The following TNS1 variants were observed in gnomAD, a reference collection of about 807,000 sequenced individuals.
TNS1 encodes the protein tensin-1.
A neutral mutation model predicts 168.6 loss-of-function variants in TNS1; 62 were observed. The ratio of observed to expected loss-of-function variants is 0.37; its 90% confidence interval spans 0.30 to 0.45. The LOEUF is 0.45. Among genes scored for constraint, TNS1 ranks in the 20% least tolerant of loss-of-function variants. The pLI, the probability that TNS1 is intolerant of heterozygous loss-of-function variation, is 1.00. For synonymous variants in TNS1, 934 were observed against 933.2 expected (o/e 1.00, Z -0.02); for missense variants, 2,240 against 2,339.4 (o/e 0.96, Z 0.88).
At chr2:217,886,183 AAGAG>A (rs1224332250) in intron 13 of TNS1, 79 bp from the exon 14 acceptor site, 13 of 1,471,494 alleles carry the variant, frequency 8.8e-6, no homozygotes, top group Non-Finnish European at 1.2e-5. Context: ...TGAAGGGAGA[AAGAG>A]AGAAAGGAAG....
At chr2:217,859,653 C>T (rs1948595935) in intron 18 of TNS1, 2 of 1,536,310 alleles carry the variant, frequency 1.3e-6, no homozygotes, top group Non-Finnish European at 1.7e-6. Context: ...CTCCAGGCCA[C>T]CTGAGATGCT....
chr2:217,945,287 C>T (rs943868991), intron 3 of TNS1, among the ~76,000 whole-genome samples: 8 of 152,242 alleles, frequency 5.3e-5, no homozygotes, highest in African/African-American at 1.9e-4. Flanking sequence ...TTCAGCCAAA[C>T]CCTTCCCCAG....
In TNS1 at chr2:217,831,545, G is replaced by A. The variant is rs542492773; in HGVS notation, c.3283C>T (p.Arg1095Trp). 799 of 1,512,792 alleles carry A rather than the reference G, an allele frequency of 5.3e-4. 11 individuals are homozygous for A. The South Asian group carries it at 9.6e-3, about 18-fold the overall frequency. 93.7% of individuals were successfully genotyped at this position (1,512,792 alleles called of 1,614,324 possible). ...SPSSPPPSGV[R>W]SPPGLAKTPL... ...GTCTTGGCCAGACCCGGGGGGGACC[G>A]CACTGTGCCAGGAAGAAGAGGGGAG... The change falls in exon 22 of 33, where the codon CGG becomes TGG. Residue 1095 changes from arginine to tryptophan, a missense_variant and splice_region_variant. This residue lies in a region of TNS1 where 2,131 missense variants were observed against 2,171.2 expected (regional missense o/e 0.98). Coordinates refer to ENST00000682258, the MANE Select transcript of TNS1 (RefSeq NM_001387777.1).
At chr2:217,954,158 A>G (rs777444831) in intron 3 of TNS1, among the ~76,000 whole-genome samples, 7 of 152,148 alleles carry the variant, frequency 4.6e-5, no homozygotes, top group African/African-American at 7.2e-5. Context: ...TTCTAAGCAG[A>G]GCGAGGCAGT....
At position 217,847,826 on chromosome 2, in the gene TNS1, C is replaced by G. The variant is rs370904189; in HGVS notation, c.2691G>C (p.Ser897=). ...GTGGGGCTGGCTCAGGGGTTCCCAA[C>G]GAATGCCCACTGGGGATATAGCCAG... ...SRSGYIPSGH[S]LGTPEPAPRA... Residue 897 remains serine, a synonymous_variant, in exon 19 of 33, where the codon TCG becomes TCC. Transcript: ENST00000682258. 5 of 1,595,328 alleles carry G rather than the reference C, an allele frequency of 3.1e-6. No homozygotes were observed. The African/African-American group carries it at 6.7e-5, about 21-fold the overall frequency.
chr2:217,804,457 G>T lies in TNS1; in HGVS notation c.*2C>A. 6.8e-6 allele frequency: 11 copies of T among 1,614,100 alleles called. No homozygotes were observed. Among genetic ancestry groups the T allele is most frequent in the Non-Finnish European group, 9.3e-6 (11 of 1,179,980 alleles). ...GCACTGGCCCTGGGCAAGGGGCAGGGTTCATCTCTTTTGGCCGGCATTCAG... is the reference window on the plus strand; with the variant it reads ...GCACTGGCCCTGGGCAAGGGGCAGGTTTCATCTCTTTTGGCCGGCATTCAG... On this transcript the variant is annotated 3_prime_UTR_variant, in exon 33 of 33. Coordinates refer to ENST00000682258, the MANE Select transcript of TNS1 (RefSeq NM_001387777.1).
At chr2:217,974,580 C>A (rs920097942) in intron 3 of TNS1, among the ~76,000 whole-genome samples, 22 of 152,196 alleles carry the variant, frequency 1.4e-4, no homozygotes, top group African/African-American at 5.1e-4. Context: ...GGCACCGAGG[C>A]TCTACCTCTA....
At chr2:217,878,060 C>G (rs1369331394) in intron 18 of TNS1, among the ~76,000 whole-genome samples, 1 of 152,218 alleles carries the variant, frequency 6.6e-6, no homozygotes, top group Non-Finnish European at 1.5e-5. Flanking sequence ...TTTCGAGAGG[C>G]CTGCCACTCA....
chr2:217,946,611 A>G (rs1033407568), intron 3 of TNS1, among the ~76,000 whole-genome samples: 3 of 152,158 alleles, frequency 2.0e-5, no homozygotes, highest in African/African-American at 7.2e-5. Flanking sequence ...AGGACCCAGG[A>G]CATCCCAGAC....
chr2:217,919,553 C>T (rs999304612), intron 4 of TNS1, among the ~76,000 whole-genome samples: 8 of 152,300 alleles, frequency 5.3e-5, no homozygotes, highest in Admixed American at 2.0e-4. Context: ...GAGAAGGTGG[C>T]GAGAGGCAGG....
intron 2 of TNS1, among the ~76,000 whole-genome samples, chr2:217,984,343 T>C (rs1195587467): frequency 1.3e-5 from 2 of 151,996 alleles, no homozygotes; most frequent in Non-Finnish European, 2.9e-5. Flanking sequence ...ACCTGCAGGC[T>C]GCAGGCCACA....
intron 16 of TNS1, 29 bp downstream of exon 16, chr2:217,885,006 C>T (rs1449840032): frequency 6.2e-7 from 1 of 1,613,310 alleles, no homozygotes; most frequent in Non-Finnish European, 8.5e-7. Context: ...ACAGGGGTGC[C>T]CACCCCCAGC....
At position 217,849,163 on chromosome 2, in the gene TNS1, C is replaced by T. The variant is rs1278034206; in HGVS notation, c.1430-76G>A. On this transcript the variant is annotated intron_variant, in intron 18 of 32. Transcript: ENST00000682258. ...GAGGCAGGGGTATCATCCACTCTGCCAGAGAAAGAAGCTAAGAGCTCCCAT... is the reference window on the plus strand; with the variant it reads ...GAGGCAGGGGTATCATCCACTCTGCTAGAGAAAGAAGCTAAGAGCTCCCAT... 4 of 1,517,716 alleles carry T rather than the reference C, an allele frequency of 2.6e-6. No homozygotes were observed. In the African/African-American group the frequency reaches 5.5e-5, roughly 21 times the overall value. The allele number at this position is 1,517,716 out of a possible 1,614,324, so 94.0% of individuals were successfully genotyped here. A position where few individuals can be genotyped will look rare whatever the true frequency, so the allele number is the denominator to read the frequency against.
At chr2:218,025,312 G>A (rs1174357169) in intron 1 of TNS1, among the ~76,000 whole-genome samples, 2 of 152,100 alleles carry the variant, frequency 1.3e-5, no homozygotes, top group Non-Finnish European at 2.9e-5. Context: ...GCAGTGGCAT[G>A]ATCTCATCTC....
At chr2:217,900,803 C>T (rs541031023) in intron 6 of TNS1, among the ~76,000 whole-genome samples, 1 of 152,324 alleles carries the variant, frequency 6.6e-6, no homozygotes, top group South Asian at 2.1e-4. Flanking sequence ...ACTGAGGGCA[C>T]ACTCAACAGT....
intron 22 of TNS1, among the ~76,000 whole-genome samples, chr2:217,827,368 T>C (rs1253214965): frequency 6.6e-6 from 1 of 152,128 alleles, no homozygotes; most frequent in Non-Finnish European, 1.5e-5. Context: ...TTTCTGAATT[T>C]CCCATCAAAG....
Position 217,880,862 on chromosome 2 carries a change from T to C in TNS1, c.1429+36A>G, listed in dbSNP as rs764744102. The C allele has an allele frequency of 6.7e-7, 1 of 1,500,018 alleles. No homozygotes were observed. The highest frequency in any genetic ancestry group is 9.3e-7 in the Non-Finnish European group (1 of 1,076,168). 92.9% of individuals were successfully genotyped at this position (1,500,018 alleles called of 1,614,324 possible). A position where few individuals can be genotyped will look rare whatever the true frequency, so the allele number is the denominator to read the frequency against. On this transcript the variant is annotated intron_variant, in intron 18 of 32. Transcript: ENST00000682258. The surrounding 1 kb of genome is among the most constrained non-coding windows in gnomAD (Gnocchi z 4.2). The stretch of plus-strand genomic sequence containing the variant: ...GTCATGTGAGCAGAGGCTGTGCAGT[T>C]TGGATAGGGGCTGGGAGCCACTAGG...
chr2:217,849,045 T>A lies in TNS1; in HGVS notation c.1472A>T (p.Tyr491Phe). Residue 491 changes from tyrosine to phenylalanine, a missense_variant, in exon 19 of 33, where the codon TAT (tyrosine) becomes TTT (phenylalanine). This residue lies in a region of TNS1 where 2,131 missense variants were observed against 2,171.2 expected (regional missense o/e 0.98). Coordinates refer to ENST00000682258, the MANE Select transcript of TNS1 (RefSeq NM_001387777.1). ...GGAGTCTTTCTTCTTCACCTTAGCA[T>A]ACAGGCTCCCATCTAGTGGCCCCTG... The part of the protein sequence containing the change: ...HTQGPLDGSL[Y>F]AKVKKKDSLH... 2 of 1,613,390 alleles carry A rather than the reference T, an allele frequency of 1.2e-6. No homozygotes were observed.
chr2:217,949,279 T>C (rs1957186636), intron 3 of TNS1, among the ~76,000 whole-genome samples: 1 of 152,246 alleles, frequency 6.6e-6, no homozygotes, highest in Non-Finnish European at 1.5e-5. Context: ...CAGAAAGTAC[T>C]GCACACAAAC....
Sources: gnomAD v4.1 joint callset for allele counts (sites outside exome capture counted in the v4.1 genomes callset) on GRCh38, gnomAD v4.1.1 for gene constraint, gnomAD v4.1.1 regional missense constraint, Gnocchi (gnomAD v3.1) non-coding constraint, MANE v1.5 for transcripts, NCBI Gene and HGNC (gene_info 2026-07-23, HGNC 2026-07-21) for gene names.